The following DNAH12 variants were observed in gnomAD, a reference collection of about 807,000 sequenced individuals.
The protein encoded by DNAH12 is axonemal beta dynein heavy chain 12.
In DNAH12, 285 loss-of-function variants were observed where a neutral mutation model predicts 371.5. That is an observed-to-expected ratio of 0.77 (90% CI 0.70 to 0.85). The LOEUF (loss-of-function observed/expected upper bound fraction) is 0.85. DNAH12 is among the 40% of genes least tolerant of loss of function. The pLI is 0.00. For synonymous variants in DNAH12, 1,200 were observed against 1,213.0 expected, an observed-to-expected ratio of 0.99 and a Z score of 0.22; for missense variants, 3,611 against 3,689.4, an observed-to-expected ratio of 0.98 and a Z score of 0.55.
At chr3:57,323,934 TC>T (rs2061870193) in intron 62 of DNAH12, among the ~76,000 whole-genome samples, 1 of 152,190 alleles carries the variant, frequency 6.6e-6, no homozygotes, top group African/African-American at 2.4e-5. Context: ...CTTATTTGTC[TC>T]TGTTTGGTAT....
At position 57,405,693 on chromosome 3, in the gene DNAH12, A is replaced by C; in HGVS notation, c.6536T>G (p.Phe2179Cys). Residue 2179 changes from phenylalanine (F) to cysteine (C), a missense_variant, in exon 41 of 74, where the codon TTT (phenylalanine) becomes TGT (cysteine). Physicochemically the swap from Phe to Cys is radical, Grantham distance 205. Coordinates refer to ENST00000495027, the MANE Select transcript of DNAH12 (RefSeq NM_001366028.2). ...CCTCAAATGTGAAAAGATACTGTGA[A>C]ATGATTCTTTAAAATGGTCCTTTAT... is the stretch of plus-strand genomic sequence containing the variant. ...TVIKDHFKES[F>C]HSIFSHLRKQ... 1 of 1,551,720 alleles carries C rather than the reference A, an allele frequency of 6.4e-7. No individual in the cohort carries two copies. Among genetic ancestry groups the C allele is most frequent in the African/African-American group, 1.4e-5 (1 of 73,188 alleles).
At chr3:57,467,412 AT>A (rs1240365923) in intron 17 of DNAH12, among the ~76,000 whole-genome samples, 1 of 152,196 alleles carries the variant, frequency 6.6e-6, no homozygotes, top group Non-Finnish European at 1.5e-5. Context: ...ATAAGACACC[AT>A]GCCTGGCCTT....
intron 29 of DNAH12, among the ~76,000 whole-genome samples, chr3:57,444,346 A>G (rs1454879930): frequency 6.6e-6 from 1 of 151,994 alleles, no homozygotes; most frequent in East Asian, 1.9e-4. Flanking sequence ...GGACACCACC[A>G]TGCCTGGCTA....
chr3:57,472,766 G>A (rs549402759), intron 13 of DNAH12, 95 bp from the exon 14 acceptor site: 1 of 1,314,360 alleles, frequency 7.6e-7, no homozygotes, highest in Non-Finnish European at 1.0e-6. Context: ...TACCCTTTCA[G>A]ATTTCAGTTT....
intron 66 of DNAH12, among the ~76,000 whole-genome samples, chr3:57,313,214 A>G (rs568053648): frequency 2.0e-5 from 3 of 152,298 alleles, no homozygotes; most frequent in Admixed American, 2.0e-4. Context: ...TAAACTAAGT[A>G]GGGGATTAAT....
At chr3:57,531,077 A>G (rs1322867644) in intron 2 of DNAH12, 1 of 152,174 alleles carries the variant, frequency 6.6e-6, no homozygotes, top group African/African-American at 2.4e-5. Context: ...GTGTTATAAT[A>G]TTCTGTGTTT....
rs1185502198 is a variant in DNAH12 at position 57,499,648 on chromosome 3, ATATATATATAT to A, written c.1335+1662_1335+1672del. ...ATCTCTACAAAAAAAAAAAAAAAAA[ATATATATATAT>A]ATATATATATATATATACTTCTTAA... On this transcript the variant is annotated intron_variant, in intron 11 of 73. Transcript: ENST00000495027. Among the ~76,000 whole-genome samples, 27 of 21,300 alleles carry A rather than the reference ATATATATATAT, an allele frequency of 1.3e-3. 5 individuals carry two copies. The highest frequency in any genetic ancestry group is 5.1e-3 in the African/African-American group (26 of 5,050). 14.0% of individuals were successfully genotyped at this position (21,300 alleles called of 152,430 possible). A position where few individuals can be genotyped will look rare whatever the true frequency, so the allele number is the denominator to read the frequency against.
chr3:57,390,224 G>C (rs2063586363), intron 45 of DNAH12, among the ~76,000 whole-genome samples: 5 of 144,462 alleles, frequency 3.5e-5, no homozygotes, highest in Admixed American at 3.5e-4. Flanking sequence ...ACAAGCTTGG[G>C]CAACATAGAG....
intron 12 of DNAH12, 150 bp downstream of exon 12, chr3:57,489,359 G>T (rs2067038716): frequency 1.5e-6 from 1 of 660,928 alleles, no homozygotes; most frequent in Non-Finnish European, 2.3e-6. Flanking sequence ...AGCCCAATGG[G>T]ACTACAAAGG....
At chr3:57,505,748 G>C (rs1464958618) in intron 8 of DNAH12, among the ~76,000 whole-genome samples, 2 of 151,630 alleles carry the variant, frequency 1.3e-5, no homozygotes, top group African/African-American at 4.8e-5. Flanking sequence ...GCCTGTTTCT[G>C]TTTTTTAAGA....
intron 73 of DNAH12, among the ~76,000 whole-genome samples, chr3:57,294,511 G>C (rs1490879853): frequency 1.3e-5 from 2 of 152,176 alleles, no homozygotes; most frequent in African/African-American, 4.8e-5. Context: ...GATTCTAGGT[G>C]TGGAAGACAG....
rs563041929 is a variant in DNAH12, at chr3:57,422,761, A to C, written c.5374-1055T>G. The stretch of plus-strand genomic sequence containing the variant: ...CCTGTGAAAATGACACATGTACAAG[A>C]ATATTCACTGCAGCACTATTTGTAA... On this transcript the variant is annotated intron_variant, in intron 35 of 73. Transcript: ENST00000495027. 1.3e-4 allele frequency among the ~76,000 whole-genome samples: 20 copies of C among 152,364 alleles called. No homozygotes were observed. The South Asian group carries it at 3.9e-3, about 30-fold the overall frequency.
chr3:57,314,544 G>C lies in DNAH12; in HGVS notation c.10612C>G (p.Pro3538Ala). The C allele has an allele frequency of 1.3e-6, 2 of 1,551,110 alleles. No individual in the cohort carries two copies. Among genetic ancestry groups the C allele is most frequent in the Non-Finnish European group, 1.7e-6 (2 of 1,146,856 alleles). The change falls in exon 66 of 74, where the codon CCA (proline) becomes GCA (alanine). Residue 3538 changes from proline to alanine, a missense_variant. Around this residue, in one of 3 missense-constraint regions of DNAH12, gnomAD observed 2,266 missense variants for 2,236.9 expected, o/e 1.01. Transcript: ENST00000495027. ...AAGTCAGATTCATTAAATCCATATGGAATATTCCAACCAAGAGGACCAAAT... is the reference window on the plus strand; with the variant it reads ...AAGTCAGATTCATTAAATCCATATGCAATATTCCAACCAAGAGGACCAAAT... ...KKFGPLGWNI[P>A]YGFNESDLRI...
intron 25 of DNAH12, among the ~76,000 whole-genome samples, chr3:57,451,694 G>C (rs1012571092): frequency 2.6e-5 from 4 of 152,156 alleles, no homozygotes; most frequent in South Asian, 2.1e-4. Context: ...AGTCAGGTAT[G>C]AGCAGAGCCG....
intron 11 of DNAH12, among the ~76,000 whole-genome samples, chr3:57,490,210 A>G (rs1483632916): frequency 6.6e-6 from 1 of 152,132 alleles, no homozygotes. Context: ...TTGAGCCTAT[A>G]ATCCCAGCTA....
At chr3:57,405,188 T>C in intron 41 of DNAH12, 41 bp from the exon 42 acceptor site, 1 of 1,457,000 alleles carries the variant, frequency 6.9e-7, no homozygotes, top group Non-Finnish European at 9.0e-7. Flanking sequence ...CTTAAAACAT[T>C]TAAAAATAAA....
chr3:57,476,164 T>C (rs1412650205), intron 13 of DNAH12, among the ~76,000 whole-genome samples: 1 of 152,194 alleles, frequency 6.6e-6, no homozygotes, highest in Non-Finnish European at 1.5e-5. Flanking sequence ...ATAAATGGTA[T>C]GATTCCCTTT....
chr3:57,524,775 C>T (rs1419801526), intron 2 of DNAH12, among the ~76,000 whole-genome samples: 1 of 151,908 alleles, frequency 6.6e-6, no homozygotes, highest in African/African-American at 2.4e-5. Context: ...CCCCAAGAAA[C>T]AGGAAGGCAA....
At chr3:57,339,459 G>C (rs2062338688) in intron 60 of DNAH12, among the ~76,000 whole-genome samples, 1 of 151,612 alleles carries the variant, frequency 6.6e-6, no homozygotes. Flanking sequence ...GCAGGATAAG[G>C]ATAAACTTGT....
Sources: gnomAD v4.1 joint callset for allele counts (sites outside exome capture counted in the v4.1 genomes callset) on GRCh38, gnomAD v4.1.1 for gene constraint, gnomAD v4.1.1 regional missense constraint, MANE v1.5 for transcripts, NCBI Gene and HGNC (gene_info 2026-07-23, HGNC 2026-07-21) for gene names.